Variants in GSN observed in about 807,000 individuals in gnomAD.
GSN encodes the protein actin-depolymerizing factor.
GSN carries 56 observed loss-of-function variants against 85.7 expected under a neutral mutation model. That is an observed-to-expected ratio of 0.65 (90% CI 0.53 to 0.82). The LOEUF (loss-of-function observed/expected upper bound fraction) is 0.82, where lower values mean the gene tolerates loss of function less well. GSN is among the 40% of genes least tolerant of loss of function. The pLI, the probability that GSN is intolerant of heterozygous loss-of-function variation, is 0.00. For synonymous variants in GSN, 373 were observed against 399.1 expected (o/e 0.93, Z 0.78); for missense variants, 857 against 979.8 (o/e 0.87, Z 1.67).
chr9:121,254,244 C>T (rs1447953831), intron 6 of GSN, among the ~76,000 whole-genome samples: 1 of 152,208 alleles, frequency 6.6e-6, no homozygotes, highest in Admixed American at 6.5e-5. Context: ...AACTACAAAA[C>T]AGCTCAGCTT....
At position 121,318,415 on chromosome 9, in the gene GSN, C is replaced by T; in HGVS notation, c.896C>T (p.Ala299Val). 1 of 1,613,872 alleles carries T rather than the reference C, an allele frequency of 6.2e-7. No homozygotes were observed. Among genetic ancestry groups the T allele is most frequent in the East Asian group, 2.2e-5 (1 of 44,856 alleles). Residue 299 changes from alanine (A) to valine (V), a missense_variant, in exon 9 of 18, where the codon GCA becomes GTA. By Grantham distance (64) the Ala-to-Val change is moderately conservative (BLOSUM62 0). Transcript: ENST00000432226. The surrounding 1 kb of genome is among the most constrained non-coding windows in gnomAD (Gnocchi z 4.3). ...GKIFVWKGKQANTEERKAALK... is the reference protein window; with the variant it reads ...GKIFVWKGKQVNTEERKAALK... ...CTCTGGCTGCCAACAGGCAAGCAGGCAAACACGGAGGAGAGGAAGGCTGCC... is the reference window on the plus strand; with the variant it reads ...CTCTGGCTGCCAACAGGCAAGCAGGTAAACACGGAGGAGAGGAAGGCTGCC...
At chr9:121,260,740 G>A (rs2055065727) in intron 6 of GSN, among the ~76,000 whole-genome samples, 1 of 152,234 alleles carries the variant, frequency 6.6e-6, no homozygotes, top group African/African-American at 2.4e-5. Flanking sequence ...GAACTCGGAT[G>A]TTCTACTTCC....
intron 5 of GSN, among the ~76,000 whole-genome samples, chr9:121,242,447 T>C (rs566532235): frequency 6.6e-6 from 1 of 151,832 alleles, no homozygotes; most frequent in Admixed American, 6.6e-5. Context: ...CCTGCTGTCC[T>C]CTGGAAAAAG....
chr9:121,305,030 C>G (rs1205241070), intron 4 of GSN, among the ~76,000 whole-genome samples: 1 of 152,176 alleles, frequency 6.6e-6, no homozygotes, highest in Non-Finnish European at 1.5e-5. Flanking sequence ...CTATCTTGTC[C>G]TAGTCACTGT....
intron 1 of GSN, chr9:121,280,667 A>G (rs890646201): frequency 2.6e-5 from 4 of 152,208 alleles, no homozygotes; most frequent in Non-Finnish European, 5.9e-5. Context: ...GAGTAAACAC[A>G]TGCCTTGTGC....
intron 5 of GSN, among the ~76,000 whole-genome samples, chr9:121,233,191 C>T (rs981505973): frequency 3.3e-5 from 5 of 152,152 alleles, no homozygotes; most frequent in Non-Finnish European, 4.4e-5. Context: ...GCAAGCCAGG[C>T]GCGGTGGCTC....
At chr9:121,203,124 CAAA>C (rs1178601046), upstream of GSN, 11 of 97,222 alleles carry the variant, frequency 1.1e-4, no homozygotes, top group Non-Finnish European at 1.3e-4. Flanking sequence ...GAGACTGTCT[CAAA>C]AAAAAAAAAA....
At chr9:121,281,094 G>T (rs979255291) in intron 1 of GSN, 2 of 161,626 alleles carry the variant, frequency 1.2e-5, no homozygotes, top group Non-Finnish European at 2.7e-5. Flanking sequence ...TGGAGGAAAG[G>T]GGGTGCACAA....
At chr9:121,255,802 C>A (rs944773628) in intron 6 of GSN, among the ~76,000 whole-genome samples, 1 of 152,066 alleles carries the variant, frequency 6.6e-6, no homozygotes. Context: ...GTAAATATGC[C>A]ATTTTGCCCA....
chr9:121,311,101 C>T, intron 5 of GSN: 2 of 535,830 alleles, frequency 3.7e-6, no homozygotes, highest in Non-Finnish European at 3.4e-6. Context: ...GTCTTGTGTC[C>T]TTTTTCACAT....
chr9:121,221,907 C>T (rs1487930879), intron 4 of GSN, among the ~76,000 whole-genome samples: 2 of 152,146 alleles, frequency 1.3e-5, no homozygotes, highest in East Asian at 3.9e-4. Context: ...TCAGAAAAAA[C>T]AGGTCTGCTG....
chr9:121,262,769 GACAA>G (rs1486125023), intron 6 of GSN, among the ~76,000 whole-genome samples: 1 of 152,146 alleles, frequency 6.6e-6, no homozygotes, highest in African/African-American at 2.4e-5. Context: ...AAAATAGTGG[GACAA>G]ACACATTCCT....
upstream of GSN, among the ~76,000 whole-genome samples, chr9:121,267,851 C>G (rs2055294406): frequency 6.6e-6 from 1 of 152,190 alleles, no homozygotes; most frequent in Admixed American, 6.5e-5. Flanking sequence ...AGCTCTTTGG[C>G]CCCAGCCCAG....
At chr9:121,278,492 C>T (rs896170731) in intron 1 of GSN, among the ~76,000 whole-genome samples, 1 of 152,154 alleles carries the variant, frequency 6.6e-6, no homozygotes, top group African/African-American at 2.4e-5. Flanking sequence ...CCTTTTTAGC[C>T]AGCTAGACAG....
chr9:121,257,880 C>CA (rs1264684979), intron 6 of GSN, among the ~76,000 whole-genome samples: 2 of 151,372 alleles, frequency 1.3e-5, no homozygotes, highest in African/African-American at 4.9e-5. Context: ...CAAAACAAAA[C>CA]AAAAAAATGA....
Position 121,327,380 on chromosome 9 carries a change from TG to T in GSN, c.1663del (p.Val555TrpfsTer52). The T allele has an allele frequency of 6.2e-7, 1 of 1,613,550 alleles. No homozygotes were observed. Among genetic ancestry groups the T allele is most frequent in the South Asian group, 1.1e-5 (1 of 91,002 alleles). ...VLKTPSAAYL[W>X]VGTGASEAEK... is the part of the protein sequence containing the mutation. ...GAAAACCCCCTCAGCCGCCTACCTG[TG>T]GGTGGGTACAGGAGCCAGCGAGGCA... On this transcript the variant is annotated frameshift_variant, in exon 14 of 18. Transcript: ENST00000432226. LOFTEE classifies it high-confidence loss of function.
intron 1 of GSN, among the ~76,000 whole-genome samples, chr9:121,273,240 A>T (rs1436111741): frequency 6.6e-6 from 1 of 152,098 alleles, no homozygotes; most frequent in African/African-American, 2.4e-5. Flanking sequence ...TTATTTTCCA[A>T]CCTCAATAAG....
upstream of GSN, among the ~76,000 whole-genome samples, chr9:121,263,192 G>A (rs980058796): frequency 6.6e-6 from 1 of 152,164 alleles, no homozygotes; most frequent in Non-Finnish European, 1.5e-5. Context: ...TGATCTCCAT[G>A]GTGTAAATAT....
At chr9:121,232,853 G>A (rs1037020613) in intron 5 of GSN, among the ~76,000 whole-genome samples, 9 of 152,160 alleles carry the variant, frequency 5.9e-5, no homozygotes, top group African/African-American at 1.9e-4. Context: ...TTTCCTTGAT[G>A]TTTGCTTTGT....
Sources: gnomAD v4.1 joint callset for allele counts (sites outside exome capture counted in the v4.1 genomes callset) on GRCh38, gnomAD v4.1.1 for gene constraint, Gnocchi (gnomAD v3.1) non-coding constraint, MANE v1.5 for transcripts, NCBI Gene and HGNC (gene_info 2026-07-23, HGNC 2026-07-21) for gene names.